The following PLA2R1 variants were observed in gnomAD, a reference collection of about 807,000 sequenced individuals.
PLA2R1 encodes the protein phospholipase A2 receptor 1, also known as secretory phospholipase A2 receptor.
PLA2R1 carries 158 observed loss-of-function variants against 195.9 expected under a neutral mutation model. The ratio of observed to expected loss-of-function variants is 0.81; its 90% confidence interval spans 0.71 to 0.92. The LOEUF is 0.92. Ranked by LOEUF, PLA2R1 falls within the 40% of genes least tolerant of loss-of-function variation. The pLI is 0.00. For missense variants in PLA2R1, 1,626 were observed against 1,764.6 expected, an observed-to-expected ratio of 0.92 and a Z score of 1.41; for synonymous variants, 586 against 598.2, an observed-to-expected ratio of 0.98 and a Z score of 0.30.
chr2:160,055,647 T>C (rs568387424), intron 1 of PLA2R1, among the ~76,000 whole-genome samples: 5 of 152,332 alleles, frequency 3.3e-5, no homozygotes, highest in Non-Finnish European at 5.9e-5. Context: ...TTTGCATTAG[T>C]GCAGAGTGCT....
At chr2:160,057,585 A>G (rs545652395) in intron 1 of PLA2R1, among the ~76,000 whole-genome samples, 1 of 152,310 alleles carries the variant, frequency 6.6e-6, no homozygotes, top group African/African-American at 2.4e-5. Flanking sequence ...ATGTCTTTTT[A>G]TGAGCCTCCA....
At chr2:159,924,175 C>A in the PLA2R1 span, among the ~76,000 whole-genome samples, 2 of 152,170 alleles carry the variant, frequency 1.3e-5, no homozygotes, top group Admixed American at 6.5e-5. Context: ...CTTTATATGA[C>A]CTCCTCCTCT....
chr2:159,961,374 T>G (rs868063142), intron 20 of PLA2R1, among the ~76,000 whole-genome samples: 15 of 152,284 alleles, frequency 9.9e-5, no homozygotes, highest in African/African-American at 3.6e-4. Context: ...TGGCCACACA[T>G]TAGAATAACT....
chr2:159,989,950 AAGG>A (rs1387978370), intron 11 of PLA2R1, among the ~76,000 whole-genome samples: 2 of 152,226 alleles, frequency 1.3e-5, no homozygotes, highest in African/African-American at 2.4e-5. Context: ...ATTAGTGAAG[AAGG>A]AGATGTTTGT....
rs924881209 is a variant in PLA2R1 at position 159,946,733 on chromosome 2, A to C, written c.3967+68T>G. ...CCAAGGAGAGTTTTCTGGCTCACAG[A>C]TGCCATTATCATCAGCTTTAACAAC... On this transcript the variant is annotated intron_variant, in intron 27 of 29. Transcript: ENST00000283243. The C allele has an allele frequency of 2.0e-5, 30 of 1,485,378 alleles. No homozygotes were observed. The Admixed American group carries it at 2.1e-4, about 11-fold the overall frequency. 92.0% of individuals were successfully genotyped at this position (1,485,378 alleles called of 1,614,324 possible). A position where few individuals can be genotyped will look rare whatever the true frequency, so the allele number is the denominator to read the frequency against.
At chr2:159,925,875 G>T in the PLA2R1 span, among the ~76,000 whole-genome samples, 1 of 152,160 alleles carries the variant, frequency 6.6e-6, no homozygotes. Flanking sequence ...TCTCCCTTGG[G>T]TTCTAGAGTG....
chr2:160,007,331 G>C (rs1220799408), intron 10 of PLA2R1, among the ~76,000 whole-genome samples: 1 of 152,178 alleles, frequency 6.6e-6, no homozygotes, highest in Non-Finnish European at 1.5e-5. Context: ...CCTGGTTAGG[G>C]CTCCACCCCC....
chr2:159,934,127 A>G lies in PLA2R1; in HGVS notation c.*7651T>C, dbSNP rs1257855449. 1 of 152,244 alleles carries G rather than the reference A, an allele frequency of 6.6e-6. No homozygotes were observed. Among genetic ancestry groups the G allele is most frequent in the African/African-American group, 2.4e-5 (1 of 41,464 alleles). The allele number at this position is 152,244 out of a possible 1,614,324, so 9.4% of individuals were successfully genotyped here. A position where few individuals can be genotyped will look rare whatever the true frequency, so the allele number is the denominator to read the frequency against. The stretch of plus-strand genomic sequence containing the variant: ...TCAAAGTTTCTTATAAATGTTGGCA[A>G]TAAGAATTATGATGTACATGCCATT... On this transcript the variant is annotated 3_prime_UTR_variant, in exon 30 of 30. Coordinates refer to ENST00000283243, the MANE Select transcript of PLA2R1 (RefSeq NM_007366.5).
Position 160,022,816 on chromosome 2 carries a change from G to A in PLA2R1, c.1143C>T (p.Gly381=). The change falls in exon 7 of 30, where the codon GGC becomes GGT. Residue 381 remains glycine (G), a synonymous_variant. Transcript: ENST00000283243. ...WKYYATHCEP[G]WNPYNRNCYK... ...AGCAATTACGATTGTAGGGATTCCA[G>A]CCAGGCTCACAGTGGGTAGCATAAT... The A allele has an allele frequency of 6.2e-7, 1 of 1,613,184 alleles. No homozygotes were observed. Among genetic ancestry groups the A allele is most frequent in the Non-Finnish European group, 8.5e-7 (1 of 1,179,448 alleles).
At chr2:159,959,308 A>G (rs1456188550) in intron 20 of PLA2R1, among the ~76,000 whole-genome samples, 1 of 152,198 alleles carries the variant, frequency 6.6e-6, no homozygotes, top group East Asian at 1.9e-4. Context: ...ATCTCTCCAG[A>G]AAAACATCTC....
At chr2:159,996,563 G>C (rs1691224898) in intron 11 of PLA2R1, among the ~76,000 whole-genome samples, 1 of 151,992 alleles carries the variant, frequency 6.6e-6, no homozygotes, top group African/African-American at 2.4e-5. Flanking sequence ...AGAGTTTCCT[G>C]GATCTGTGGT....
In PLA2R1 at chr2:159,975,743, G is replaced by A. The variant is rs554159533; in HGVS notation, c.2595+325C>T. On this transcript the variant is annotated intron_variant, in intron 17 of 29. Coordinates refer to ENST00000283243, the MANE Select transcript of PLA2R1 (RefSeq NM_007366.5). ...GAATTTGGGTCTTTTTTAATCACTG[G>A]TAAAACCCCAGTTCTACCAGTGATT... Among the ~76,000 whole-genome samples, 4 of 151,906 alleles carry A rather than the reference G, an allele frequency of 2.6e-5. No individual in the cohort carries two copies. In the East Asian group the frequency reaches 7.7e-4, roughly 29 times the overall value.
At chr2:159,992,499 T>G (rs1690886914) in intron 11 of PLA2R1, among the ~76,000 whole-genome samples, 1 of 147,634 alleles carries the variant, frequency 6.8e-6, no homozygotes, top group South Asian at 2.3e-4. Flanking sequence ...AAACCACTGC[T>G]CAAGGAAATA....
At chr2:160,036,692 G>C (rs1483167875) in intron 3 of PLA2R1, among the ~76,000 whole-genome samples, 1 of 152,198 alleles carries the variant, frequency 6.6e-6, no homozygotes, top group African/African-American at 2.4e-5. Flanking sequence ...GAATCTTGAA[G>C]ACACTTTTTC....
chr2:160,056,515 T>C (rs1695559066), intron 1 of PLA2R1, among the ~76,000 whole-genome samples: 1 of 152,214 alleles, frequency 6.6e-6, no homozygotes, highest in Admixed American at 6.5e-5. Context: ...GATTTTGCAC[T>C]CTATAACCAC....
chr2:160,038,728 G>C (rs1038597117), intron 3 of PLA2R1, among the ~76,000 whole-genome samples: 1 of 152,084 alleles, frequency 6.6e-6, no homozygotes, highest in Non-Finnish European at 1.5e-5. Context: ...AGAATAGAGA[G>C]GTTGGCAGGG....
chr2:159,968,670 G>A (rs2667021), intron 19 of PLA2R1, among the ~76,000 whole-genome samples: 17,223 of 152,170 alleles, frequency 0.11, 2,874 homozygotes, highest in African/African-American at 0.36. Context: ...TAGAAAGAAG[G>A]GGAATGAGTG....
At chr2:160,054,373 T>C (rs1389528194) in intron 1 of PLA2R1, among the ~76,000 whole-genome samples, 1 of 152,162 alleles carries the variant, frequency 6.6e-6, no homozygotes, top group Non-Finnish European at 1.5e-5. Context: ...TTTATAAATA[T>C]TAATAAAAAT....
At chr2:159,994,279 G>C (rs1308316096) in intron 11 of PLA2R1, among the ~76,000 whole-genome samples, 1 of 152,076 alleles carries the variant, frequency 6.6e-6, no homozygotes, top group Non-Finnish European at 1.5e-5. Flanking sequence ...AGCCCAGACT[G>C]TAGGAAAATT....
Sources: allele counts gnomAD v4.1 joint callset (sites outside exome capture counted in the v4.1 genomes callset), GRCh38; gene constraint gnomAD v4.1.1; transcripts MANE v1.5; gene names NCBI Gene and HGNC (gene_info 2026-07-23, HGNC 2026-07-21).